Variants in MYH15 observed in about 807,000 individuals in gnomAD.
The protein encoded by MYH15 is myosin heavy chain 15, also known as myosin-15.
In MYH15, 227 loss-of-function variants were observed where a neutral mutation model predicts 240.5. That is an observed-to-expected ratio of 0.94 (90% CI 0.85 to 1.05). MYH15 has a LOEUF of 1.05. MYH15 is among the 50% of genes least tolerant of loss of function. The pLI, the probability that MYH15 is intolerant of heterozygous loss-of-function variation, is 0.00. For missense variants in MYH15, 2,217 were observed against 2,247.5 expected (o/e 0.99, Z 0.27); for synonymous variants, 785 against 796.7 (o/e 0.99, Z 0.25).
intron 22 of MYH15, among the ~76,000 whole-genome samples, chr3:108,444,333 C>T (rs531575483): frequency 4.4e-4 from 67 of 152,202 alleles, no homozygotes; most frequent in African/African-American, 1.5e-3. Context: ...TGCTGATTTG[C>T]TAATGGGTCA....
chr3:108,401,158 C>T (rs763618850), intron 33 of MYH15, among the ~76,000 whole-genome samples: 3 of 152,026 alleles, frequency 2.0e-5, no homozygotes, highest in Non-Finnish European at 2.9e-5. Flanking sequence ...GCATTATGTC[C>T]CCACCAAAAT....
At chr3:108,475,081 G>A (rs897594130) in intron 12 of MYH15, among the ~76,000 whole-genome samples, 1 of 152,040 alleles carries the variant, frequency 6.6e-6, no homozygotes, top group African/African-American at 2.4e-5. Flanking sequence ...AAATAACACA[G>A]ACACATCAGT....
intron 11 of MYH15, among the ~76,000 whole-genome samples, chr3:108,479,419 T>C (rs1576259729): frequency 6.6e-6 from 1 of 152,312 alleles, no homozygotes; most frequent in African/African-American, 2.4e-5. Context: ...GGTTAGGGGC[T>C]GGGCCGCTCT....
chr3:108,538,764 T>G, the MYH15 span, among the ~76,000 whole-genome samples: 2 of 152,150 alleles, frequency 1.3e-5, no homozygotes, highest in Admixed American at 1.3e-4. Context: ...TCTTAGTCTG[T>G]TTTGTGTTGC....
In MYH15 at chr3:108,524,315, C is replaced by T. The variant is rs561532698; in HGVS notation, c.-58+4948G>A. ...CTGTTAAAGAATTTGAACATCTTTT[C>T]GAATACTCATTTGGATTAGTTCTTG... On this transcript the variant is annotated intron_variant, in intron 1 of 41. Coordinates refer to the MYH15 transcript ENST00000273353. 2.6e-3 allele frequency among the ~76,000 whole-genome samples: 392 copies of T among 151,884 alleles called. 2 individuals are homozygous for T. Among genetic ancestry groups the T allele is most frequent in the Non-Finnish European group, 4.6e-3 (311 of 67,812 alleles).
the MYH15 span, among the ~76,000 whole-genome samples, chr3:108,545,708 CA>C: frequency 6.6e-6 from 1 of 151,988 alleles, no homozygotes; most frequent in Non-Finnish European, 1.5e-5. Context: ...CACACACACA[CA>C]CACACACAAA....
At chr3:108,420,889 G>C (rs2082677073) in intron 28 of MYH15, among the ~76,000 whole-genome samples, 199 bp downstream of exon 28, 1 of 152,090 alleles carries the variant, frequency 6.6e-6, no homozygotes, top group African/African-American at 2.4e-5. Context: ...AACTAGGCAG[G>C]GGTTCCCAAG....
chr3:108,440,105 A>G (rs2107568148), intron 23 of MYH15, among the ~76,000 whole-genome samples, 192 bp from the exon 24 acceptor site: 1 of 152,364 alleles, frequency 6.6e-6, no homozygotes, highest in Non-Finnish European at 1.5e-5. Flanking sequence ...ATGATCTGTT[A>G]TCTGTCATGG....
chr3:108,455,191 A>C (rs1372698462), intron 20 of MYH15, among the ~76,000 whole-genome samples: 1 of 152,208 alleles, frequency 6.6e-6, no homozygotes, highest in Non-Finnish European at 1.5e-5. Context: ...TCTATTGATA[A>C]GTTAGAAGTT....
chr3:108,451,818 G>A (rs1357884809), intron 21 of MYH15, among the ~76,000 whole-genome samples: 1 of 151,982 alleles, frequency 6.6e-6, no homozygotes, highest in Non-Finnish European at 1.5e-5. Flanking sequence ...ACCAAAGTAA[G>A]TTTAACATTT....
At chr3:108,401,362 G>A (rs1425230998) in intron 33 of MYH15, among the ~76,000 whole-genome samples, 1 of 140,742 alleles carries the variant, frequency 7.1e-6, no homozygotes, top group Non-Finnish European at 1.6e-5. Context: ...AGATGAGGAT[G>A]CAGTGAAAAT....
chr3:108,544,253 C>A, the MYH15 span, among the ~76,000 whole-genome samples: 20 of 152,238 alleles, frequency 1.3e-4, no homozygotes, highest in South Asian at 1.4e-3. Context: ...TCTGGCCCCC[C>A]ACTTTCCTAA....
At chr3:108,495,073 G>C (rs1253353149) in intron 7 of MYH15, among the ~76,000 whole-genome samples, 7 of 152,096 alleles carry the variant, frequency 4.6e-5, no homozygotes, top group Non-Finnish European at 1.0e-4. Flanking sequence ...AAGCTCTAAG[G>C]CTTTGGATGG....
the MYH15 span, among the ~76,000 whole-genome samples, chr3:108,545,694 T>TAC: frequency 0.052 from 7,759 of 149,116 alleles, 218 homozygotes; most frequent in African/African-American, 0.073. Flanking sequence ...AATATACACA[T>TAC]ACACACACAC....
At chr3:108,486,280 A>G (rs190002131) in intron 10 of MYH15, 143 bp downstream of exon 10, 4 of 496,946 alleles carry the variant, frequency 8.0e-6, no homozygotes, top group East Asian at 3.0e-5. Flanking sequence ...CTCATAAATA[A>G]GTAAACTTTG....
chr3:108,532,220 G>C (rs927496842), upstream of MYH15, among the ~76,000 whole-genome samples: 1 of 151,842 alleles, frequency 6.6e-6, no homozygotes, highest in Non-Finnish European at 1.5e-5. Flanking sequence ...CATTATTCTC[G>C]GTGTGTCTGT....
intron 22 of MYH15, among the ~76,000 whole-genome samples, chr3:108,442,042 T>C (rs72939874): frequency 1.8e-3 from 271 of 152,352 alleles, no homozygotes; most frequent in African/African-American, 6.2e-3. Flanking sequence ...GTCTTCTTTA[T>C]TGGCTAAATA....
upstream of MYH15, among the ~76,000 whole-genome samples, chr3:108,511,662 T>G (rs564408313): frequency 6.6e-6 from 1 of 152,328 alleles, no homozygotes; most frequent in South Asian, 2.1e-4. Flanking sequence ...GCAAGGCAAG[T>G]GTTACTCATC....
the MYH15 span, among the ~76,000 whole-genome samples, chr3:108,546,162 C>T: frequency 2.0e-5 from 3 of 152,226 alleles, no homozygotes; most frequent in Middle Eastern, 3.4e-3. Context: ...CTCTAAAATG[C>T]TGATTAACTG....
Sources: gnomAD v4.1 joint callset for allele counts (sites outside exome capture counted in the v4.1 genomes callset) on GRCh38, gnomAD v4.1.1 for gene constraint, MANE v1.5 for transcripts, NCBI Gene and HGNC (gene_info 2026-07-23, HGNC 2026-07-21) for gene names.